CLMP: variants seen among roughly 807,000 people sequenced by gnomAD.
CLMP encodes the protein CXADR-like membrane protein.
CLMP carries 27 observed loss-of-function variants against 45.2 expected under a neutral mutation model. The observed-to-expected ratio is 0.60, with a 90% CI of 0.44 to 0.82. The LOEUF (loss-of-function observed/expected upper bound fraction) is 0.82, where lower values mean the gene tolerates loss of function less well. Ranked by LOEUF, CLMP falls within the 40% of genes least tolerant of loss-of-function variation. CLMP has a pLI of 0.00. For missense variants in CLMP, 403 were observed against 448.4 expected (o/e 0.90, Z 0.91); for synonymous variants, 167 against 171.4 (o/e 0.97, Z 0.20).
intron 2 of CLMP, among the ~76,000 whole-genome samples, chr11:123,089,235 A>G (rs1035568935): frequency 2.0e-5 from 3 of 151,998 alleles, no homozygotes; most frequent in African/African-American, 7.2e-5. Context: ...AATTACAAAA[A>G]TTAGCCGGGC....
chr11:123,124,687 C>T (rs899664907), intron 1 of CLMP, among the ~76,000 whole-genome samples: 3 of 152,194 alleles, frequency 2.0e-5, no homozygotes, highest in Non-Finnish European at 4.4e-5. Context: ...GCTGGGCATA[C>T]AGCAGTGAAC....
At chr11:123,137,152 T>C (rs896192850) in intron 1 of CLMP, among the ~76,000 whole-genome samples, 4 of 80,570 alleles carry the variant, frequency 5.0e-5, no homozygotes, top group East Asian at 2.8e-4. Context: ...TTTTTCTTTT[T>C]TTTTTTTTTT....
chr11:123,120,739 G>T lies in CLMP; in HGVS notation c.29-22787C>A, dbSNP rs539689905. Among the ~76,000 whole-genome samples the T allele has an allele frequency of 3.1e-4, 47 of 152,100 alleles. 1 individual carries two copies. The South Asian group carries it at 4.2e-3, about 13-fold the overall frequency. On this transcript the variant is annotated intron_variant, in intron 1 of 6. Coordinates refer to ENST00000448775, the MANE Select transcript of CLMP (RefSeq NM_024769.5). ...CAGTGTCTTCCATTATGTCTCTCAG[G>T]ATATTAATCACAGGGTTCCTTGCAT...
At chr11:123,170,656 G>A (rs1335939290) in intron 1 of CLMP, among the ~76,000 whole-genome samples, 1 of 152,086 alleles carries the variant, frequency 6.6e-6, no homozygotes, top group Non-Finnish European at 1.5e-5. Context: ...GGCCAAGCTG[G>A]TCTCGAACTA....
chr11:123,145,452 G>GTTT (rs66487810), intron 1 of CLMP, among the ~76,000 whole-genome samples: 732 of 61,610 alleles, frequency 0.012, 47 homozygotes, highest in African/African-American at 0.044. Flanking sequence ...CTCTGCGGCT[G>GTTT]TTTTTTTTTT....
Position 123,087,563 on chromosome 11 carries a change from C to A in CLMP, c.187-2850G>T, listed in dbSNP as rs1014472720. Among the ~76,000 whole-genome samples the A allele has an allele frequency of 8.6e-5, 13 of 151,992 alleles. No individual in the cohort carries two copies. In the East Asian group the frequency reaches 2.3e-3, roughly 27 times the overall value. ...TGCGGCTCGGTGCAGTGGCTCATGC[C>A]TGTAATCCCAGTACTTTGGGATGCC... On this transcript the variant is annotated intron_variant, in intron 2 of 6. Transcript: ENST00000448775.
At chr11:123,084,472 G>T (rs753175409) in intron 3 of CLMP, 40 bp downstream of exon 3, 1 of 1,533,142 alleles carries the variant, frequency 6.5e-7, no homozygotes, top group Non-Finnish European at 9.0e-7. Context: ...AGATACCTTA[G>T]AAATAAGCTG....
chr11:123,083,220 A>G lies in CLMP; in HGVS notation c.557-13T>C. 6.2e-7 allele frequency: 1 copy of G among 1,612,348 alleles called. No homozygotes were observed. The highest frequency in any genetic ancestry group is 8.5e-7 in the Non-Finnish European group (1 of 1,179,070). The stretch of plus-strand genomic sequence containing the variant: ...GGGTGGTTGTAGTCTGCACAAGCAG[A>G]AAGAATGACTGTAAATCCCTTTAGT... On this transcript the variant is annotated splice_polypyrimidine_tract_variant and intron_variant, in intron 4 of 6. Coordinates refer to ENST00000448775, the MANE Select transcript of CLMP (RefSeq NM_024769.5).
At chr11:123,151,242 C>A (rs1311145442) in intron 1 of CLMP, among the ~76,000 whole-genome samples, 1 of 152,222 alleles carries the variant, frequency 6.6e-6, no homozygotes, top group Non-Finnish European at 1.5e-5. Context: ...CAAGTTATTT[C>A]AGATCATCTT....
chr11:123,108,991 G>A (rs778058467), intron 1 of CLMP, among the ~76,000 whole-genome samples: 15 of 151,204 alleles, frequency 9.9e-5, no homozygotes, highest in East Asian at 1.9e-4. Flanking sequence ...CCCAGGAGGC[G>A]GAGGTTGCAG....
intron 6 of CLMP, among the ~76,000 whole-genome samples, chr11:123,074,269 G>A (rs944069272): frequency 2.0e-4 from 30 of 150,880 alleles, no homozygotes; most frequent in African/African-American, 7.3e-4. Flanking sequence ...TAAACTCCTG[G>A]GCTAAAGTCA....
intron 1 of CLMP, among the ~76,000 whole-genome samples, chr11:123,103,684 C>T (rs1860485047): frequency 6.6e-6 from 1 of 152,070 alleles, no homozygotes; most frequent in South Asian, 2.1e-4. Context: ...AGGTCCTTCT[C>T]CTTCTGTCCC....
chr11:123,158,585 G>C (rs973159864), intron 1 of CLMP, among the ~76,000 whole-genome samples: 1 of 152,188 alleles, frequency 6.6e-6, no homozygotes, highest in African/African-American at 2.4e-5. Flanking sequence ...TTGTCATGCT[G>C]TTGGGTGTAT....
intron 1 of CLMP, among the ~76,000 whole-genome samples, chr11:123,156,800 G>A (rs567660008): frequency 2.6e-5 from 4 of 152,278 alleles, no homozygotes; most frequent in South Asian, 2.1e-4. Context: ...AGAAAGCTTT[G>A]CTAAGCTTCC....
chr11:123,075,883 AT>A (rs1431783020), intron 5 of CLMP, among the ~76,000 whole-genome samples: 2 of 151,844 alleles, frequency 1.3e-5, no homozygotes, highest in African/African-American at 4.8e-5. Flanking sequence ...ATGTAAGAAA[AT>A]TTTTTTGGCT....
intron 1 of CLMP, among the ~76,000 whole-genome samples, chr11:123,098,353 G>A (rs1270808874): frequency 6.6e-6 from 1 of 151,778 alleles, no homozygotes; most frequent in South Asian, 2.1e-4. Flanking sequence ...TTAGCCTCGT[G>A]AGTAGCTGGA....
chr11:123,129,243 T>C (rs1860945782), intron 1 of CLMP, among the ~76,000 whole-genome samples: 1 of 151,546 alleles, frequency 6.6e-6, no homozygotes, highest in Non-Finnish European at 1.5e-5. Flanking sequence ...GGCAGGAGAA[T>C]TGCTTGAATC....
At chr11:123,150,480 A>AAAGGAAGAAAGAAAGG (rs1861308107) in intron 1 of CLMP, among the ~76,000 whole-genome samples, 2 of 40,962 alleles carry the variant, frequency 4.9e-5, no homozygotes, top group Non-Finnish European at 9.4e-5. Flanking sequence ...AGAAAGAAAG[A>AAAGGAAGAAAGAAAGG]AAGGAAGGAA....
intron 5 of CLMP, among the ~76,000 whole-genome samples, chr11:123,079,578 C>T (rs914254481): frequency 6.6e-6 from 1 of 152,128 alleles, no homozygotes; most frequent in Admixed American, 6.6e-5. Flanking sequence ...CTTAACCTCC[C>T]GAGTAGCTGG....
Sources: gnomAD v4.1 joint callset for allele counts (sites outside exome capture counted in the v4.1 genomes callset) on GRCh38, gnomAD v4.1.1 for gene constraint, MANE v1.5 for transcripts, NCBI Gene and HGNC (gene_info 2026-07-23, HGNC 2026-07-21) for gene names.